Variants in MECOM observed in about 807,000 individuals in gnomAD.
MECOM encodes the protein MDS1 and EVI1 complex locus, also known as histone-lysine N-methyltransferase MECOM.
MECOM carries 13 observed loss-of-function variants against 116.3 expected under a neutral mutation model. The observed-to-expected ratio is 0.11, with a 90% CI of 0.07 to 0.18. MECOM has a LOEUF of 0.18. Ranked by LOEUF, MECOM falls within the 10% of genes least tolerant of loss-of-function variation. MECOM has a pLI of 1.00. For missense variants in MECOM, 1,299 were observed against 1,509.0 expected (o/e 0.86, Z 2.31); for synonymous variants, 528 against 535.2 (o/e 0.99, Z 0.19).
intron 2 of MECOM, among the ~76,000 whole-genome samples, chr3:169,253,267 T>C (rs1386010965): frequency 6.6e-6 from 1 of 152,166 alleles, no homozygotes; most frequent in African/African-American, 2.4e-5. Flanking sequence ...ACTGACATAA[T>C]TTAAATCTAA....
At chr3:169,324,325 T>C (rs1721453567) in intron 2 of MECOM, among the ~76,000 whole-genome samples, 1 of 152,160 alleles carries the variant, frequency 6.6e-6, no homozygotes, top group South Asian at 2.1e-4. Context: ...CTAGAAGTTG[T>C]CAGAAGTATA....
intron 2 of MECOM, among the ~76,000 whole-genome samples, chr3:169,357,822 A>C (rs1207396038): frequency 6.6e-6 from 1 of 151,846 alleles, no homozygotes. Flanking sequence ...TAAAGACAGA[A>C]AAAGGGAAGA....
At chr3:169,231,030 G>C (rs946460579) in intron 2 of MECOM, among the ~76,000 whole-genome samples, 3 of 151,878 alleles carry the variant, frequency 2.0e-5, no homozygotes, top group Non-Finnish European at 2.9e-5. Flanking sequence ...TTCATCATAA[G>C]AAGCATGCCC....
intron 2 of MECOM, among the ~76,000 whole-genome samples, chr3:169,279,260 G>T (rs986835353): frequency 3.3e-5 from 5 of 152,086 alleles, no homozygotes; most frequent in African/African-American, 7.2e-5. Context: ...TCTTTCTTGA[G>T]GTTTGAATCA....
At chr3:169,380,647 T>C (rs938748049) in intron 2 of MECOM, among the ~76,000 whole-genome samples, 1 of 152,084 alleles carries the variant, frequency 6.6e-6, no homozygotes, top group African/African-American at 2.4e-5. Flanking sequence ...CCTAATTCAG[T>C]GATGAGTACA....
At chr3:169,537,636 C>T (rs1759550801) in intron 1 of MECOM, among the ~76,000 whole-genome samples, 1 of 151,702 alleles carries the variant, frequency 6.6e-6, no homozygotes, top group South Asian at 2.1e-4. Context: ...CCCCTTAGCC[C>T]TGGTTTAATA....
Position 169,116,517 on chromosome 3 carries a change from T to G in MECOM, c.1355A>C (p.Asp452Ala), listed in dbSNP as rs145677287. Residue 452 changes from aspartate (D) to alanine (A), a missense_variant, in exon 8 of 17, where the codon GAT (aspartate) becomes GCT (alanine). By Grantham distance (126) the Asp-to-Ala change is moderately radical. Transcript: ENST00000651503. Reference sequence around the variant, plus strand: ...ACTCATATTAACCATGGACGTTTTATCCATAGCTGGGGTTCCAGGAAGTGA... The same window carrying G: ...ACTCATATTAACCATGGACGTTTTAGCCATAGCTGGGGTTCCAGGAAGTGA... Reference protein sequence around the residue: ...GISLPGTPAMDKTSMVNMSHA... With the variant: ...GISLPGTPAMAKTSMVNMSHA... 5.3e-4 allele frequency: 852 copies of G among 1,614,152 alleles called. No homozygotes were observed. The highest frequency in any genetic ancestry group is 6.7e-4 in the Non-Finnish European group (792 of 1,180,026).
intron 1 of MECOM, among the ~76,000 whole-genome samples, chr3:169,605,546 G>C (rs1410665636): frequency 1.3e-5 from 2 of 152,198 alleles, no homozygotes; most frequent in Admixed American, 6.5e-5. Flanking sequence ...ATGCTGGAGG[G>C]TGCCGGTCTG....
At chr3:169,267,187 T>C (rs1173145434) in intron 2 of MECOM, among the ~76,000 whole-genome samples, 2 of 152,254 alleles carry the variant, frequency 1.3e-5, no homozygotes, top group African/African-American at 4.8e-5. Flanking sequence ...GATCCAGGGT[T>C]CCTGAGAACA....
rs1769999916 is a variant in MECOM, at chr3:169,616,342, G to T, written c.37+46994C>A. Among the ~76,000 whole-genome samples the T allele has an allele frequency of 2.0e-5, 3 of 151,896 alleles. No individual in the cohort carries two copies. The South Asian group carries it at 6.2e-4, about 32-fold the overall frequency. On this transcript the variant is annotated intron_variant, in intron 1 of 16. Coordinates refer to ENST00000651503, the MANE Select transcript of MECOM (RefSeq NM_004991.4). ...TTAGAGTTTTTTTGGTTTTGGTTTTGGTTTTTTTGTTTTTTTGGTTGGAGA... is the reference window on the plus strand; with the variant it reads ...TTAGAGTTTTTTTGGTTTTGGTTTTTGTTTTTTTGTTTTTTTGGTTGGAGA...
At chr3:169,230,344 G>C (rs936248583) in intron 2 of MECOM, among the ~76,000 whole-genome samples, 1 of 151,754 alleles carries the variant, frequency 6.6e-6, no homozygotes, top group African/African-American at 2.4e-5. Flanking sequence ...TTGCCTCCTT[G>C]ATGTTATAAT....
intron 1 of MECOM, among the ~76,000 whole-genome samples, chr3:169,453,673 A>G (rs1337871203): frequency 1.3e-5 from 2 of 152,220 alleles, no homozygotes; most frequent in Non-Finnish European, 2.9e-5. Flanking sequence ...CCGAGGAAGC[A>G]TATGGCAGGA....
intron 1 of MECOM, among the ~76,000 whole-genome samples, chr3:169,399,935 A>C (rs893523798): frequency 1.3e-5 from 2 of 152,174 alleles, no homozygotes; most frequent in Non-Finnish European, 2.9e-5. Context: ...TCCAATTATA[A>C]ATAAACTCCC....
At chr3:169,250,049 A>T (rs558028984) in intron 2 of MECOM, among the ~76,000 whole-genome samples, 10 of 152,306 alleles carry the variant, frequency 6.6e-5, no homozygotes, top group African/African-American at 2.2e-4. Flanking sequence ...TCCGTTCTCA[A>T]ACTTGCAGGA....
intron 2 of MECOM, among the ~76,000 whole-genome samples, chr3:169,313,425 T>A (rs1719162654): frequency 6.6e-6 from 1 of 152,200 alleles, no homozygotes; most frequent in East Asian, 1.9e-4. Context: ...AATGGAAATA[T>A]CTAGCGGGAG....
intron 1 of MECOM, among the ~76,000 whole-genome samples, chr3:169,460,341 A>T (rs1233462484): frequency 6.6e-6 from 1 of 152,140 alleles, no homozygotes; most frequent in East Asian, 1.9e-4. Flanking sequence ...TTAAAAAGTC[A>T]GTTTGGATTG....
intron 1 of MECOM, among the ~76,000 whole-genome samples, chr3:169,437,935 T>C (rs928392288): frequency 6.6e-6 from 1 of 152,222 alleles, no homozygotes; most frequent in African/African-American, 2.4e-5. Flanking sequence ...GGATGTTTTA[T>C]TATTCAATGG....
chr3:169,112,351 T>C (rs1056823273), intron 9 of MECOM, among the ~76,000 whole-genome samples: 1 of 152,126 alleles, frequency 6.6e-6, no homozygotes, highest in East Asian at 1.9e-4. Context: ...CTTCACCCTC[T>C]ATGGTAACAA....
chr3:169,307,837 C>A (rs73035000), intron 2 of MECOM, among the ~76,000 whole-genome samples: 7,921 of 152,120 alleles, frequency 0.052, 569 homozygotes, highest in African/African-American at 0.16. Context: ...TGAATACGAC[C>A]CAAACATCTT....
Sources: gnomAD v4.1 joint callset for allele counts (sites outside exome capture counted in the v4.1 genomes callset) on GRCh38, gnomAD v4.1.1 for gene constraint, MANE v1.5 for transcripts, NCBI Gene and HGNC (gene_info 2026-07-23, HGNC 2026-07-21) for gene names.